The following CSMD1 variants were observed in gnomAD, a reference collection of about 807,000 sequenced individuals.
The protein encoded by CSMD1 is CUB and sushi domain-containing protein 1.
In CSMD1, 213 loss-of-function variants were observed where a neutral mutation model predicts 417.5. That is an observed-to-expected ratio of 0.51 (90% confidence interval 0.46 to 0.57). The LOEUF is 0.57. CSMD1 is among the 20% of genes least tolerant of loss of function. The pLI is 0.00. For synonymous variants in CSMD1, 2,862 were observed against 1,736.8 expected (o/e 1.65, Z -16.11); for missense variants, 6,923 against 4,529.7 (o/e 1.53, Z -15.17).
intron 5 of CSMD1, among the ~76,000 whole-genome samples, chr8:3,980,729 C>G (rs548065320): frequency 2.5e-4 from 38 of 152,202 alleles, no homozygotes; most frequent in African/African-American, 8.7e-4. Flanking sequence ...GTAAGAAGCC[C>G]CCACCCTTCT....
intron 3 of CSMD1, among the ~76,000 whole-genome samples, chr8:4,242,763 G>A (rs1020997779): frequency 1.3e-5 from 2 of 152,174 alleles, no homozygotes; most frequent in Admixed American, 1.3e-4. Context: ...AACATCCCTG[G>A]ATGGAAAGAT....
intron 3 of CSMD1, among the ~76,000 whole-genome samples, chr8:4,289,832 G>C (rs949913919): frequency 1.2e-4 from 19 of 152,188 alleles, no homozygotes; most frequent in Admixed American, 1.0e-3. Context: ...CTAATCTAAT[G>C]TCTGGCTCAG....
At chr8:4,641,212 A>T (rs2130868044) in intron 1 of CSMD1, among the ~76,000 whole-genome samples, 1 of 152,098 alleles carries the variant, frequency 6.6e-6, no homozygotes, top group South Asian at 2.1e-4. Flanking sequence ...GCTATAATTC[A>T]AACAAACTTC....
intron 1 of CSMD1, among the ~76,000 whole-genome samples, chr8:4,791,990 T>C (rs1797717760): frequency 2.0e-5 from 3 of 152,142 alleles, no homozygotes; most frequent in African/African-American, 7.2e-5. Context: ...TCCTTTATAG[T>C]GTGTGTCTCA....
intron 41 of CSMD1, among the ~76,000 whole-genome samples, chr8:3,125,653 A>G (rs755402394): frequency 1.3e-5 from 2 of 152,210 alleles, no homozygotes; most frequent in East Asian, 1.9e-4. Context: ...TATTAGTTCT[A>G]TAAGAGTTGT....
At chr8:4,024,443 T>A (rs959443414) in intron 4 of CSMD1, among the ~76,000 whole-genome samples, 2 of 152,200 alleles carry the variant, frequency 1.3e-5, no homozygotes, top group Non-Finnish European at 2.9e-5. Context: ...CATGTTCATA[T>A]GTTACTGATC....
At chr8:3,903,892 C>T (rs1005090686) in intron 5 of CSMD1, among the ~76,000 whole-genome samples, 1 of 152,026 alleles carries the variant, frequency 6.6e-6, no homozygotes, top group African/African-American at 2.4e-5. Context: ...TTTTTTACCT[C>T]CACAGGACAC....
At chr8:3,584,537 GA>G (rs1339205087) in intron 9 of CSMD1, among the ~76,000 whole-genome samples, 1 of 71,766 alleles carries the variant, frequency 1.4e-5, no homozygotes, top group African/African-American at 3.1e-5. Flanking sequence ...AAGCACCTCT[GA>G]GTGTGTGATA....
At chr8:4,992,367 C>T (rs1234764136) in intron 1 of CSMD1, among the ~76,000 whole-genome samples, 2 of 152,182 alleles carry the variant, frequency 1.3e-5, no homozygotes, top group Non-Finnish European at 2.9e-5. Context: ...CTGCTAATTG[C>T]GGGGGAAGGC....
intron 2 of CSMD1, among the ~76,000 whole-genome samples, chr8:4,446,362 A>G (rs1798788595): frequency 6.6e-6 from 1 of 152,140 alleles, no homozygotes; most frequent in Non-Finnish European, 1.5e-5. Flanking sequence ...AGCCTGGGCA[A>G]CATGGCAGAA....
intron 17 of CSMD1, among the ~76,000 whole-genome samples, chr8:3,395,307 T>C (rs923407209): frequency 6.6e-6 from 1 of 152,196 alleles, no homozygotes; most frequent in African/African-American, 2.4e-5. Context: ...TAATTGCCAC[T>C]TTTTCTCGCT....
At chr8:4,328,945 T>G (rs1799710693) in intron 3 of CSMD1, among the ~76,000 whole-genome samples, 2 of 152,228 alleles carry the variant, frequency 1.3e-5, no homozygotes, top group Non-Finnish European at 2.9e-5. Flanking sequence ...TGCAATGCAT[T>G]TGCAAGTTTA....
At chr8:4,300,211 T>C (rs994396193) in intron 3 of CSMD1, among the ~76,000 whole-genome samples, 3 of 152,196 alleles carry the variant, frequency 2.0e-5, no homozygotes, top group Admixed American at 6.5e-5. Flanking sequence ...AGGTGTGTAA[T>C]GTTCAGTTTT....
chr8:4,547,040 A>G (rs1447416098), intron 2 of CSMD1, among the ~76,000 whole-genome samples: 1 of 152,120 alleles, frequency 6.6e-6, no homozygotes, highest in East Asian at 1.9e-4. Flanking sequence ...TTGAGCTCCA[A>G]ATTCATACAT....
At chr8:4,026,039 T>A (rs1410210116) in intron 4 of CSMD1, among the ~76,000 whole-genome samples, 1 of 151,948 alleles carries the variant, frequency 6.6e-6, no homozygotes, top group Non-Finnish European at 1.5e-5. Flanking sequence ...TTCAACCAGT[T>A]CCTGCAAATA....
chr8:4,404,864 A>T (rs1228455265), intron 3 of CSMD1, among the ~76,000 whole-genome samples: 1 of 152,290 alleles, frequency 6.6e-6, no homozygotes, highest in Middle Eastern at 3.4e-3. Context: ...TACCAGCCAC[A>T]CTTCCATGCA....
At chr8:3,374,164 G>T (rs140273010) in intron 18 of CSMD1, among the ~76,000 whole-genome samples, 1 of 145,316 alleles carries the variant, frequency 6.9e-6, no homozygotes, top group Non-Finnish European at 1.5e-5. Context: ...TTGTTGTCCC[G>T]GCTAGTCTCG....
At chr8:4,611,977 C>T (rs913944465) in intron 2 of CSMD1, among the ~76,000 whole-genome samples, 2 of 151,952 alleles carry the variant, frequency 1.3e-5, no homozygotes, top group African/African-American at 4.8e-5. Context: ...TGTTTTTTTC[C>T]TCCTAAGTGC....
chr8:4,343,055 T>G (rs570515735), intron 3 of CSMD1, among the ~76,000 whole-genome samples: 1 of 152,188 alleles, frequency 6.6e-6, no homozygotes, highest in South Asian at 2.1e-4. Flanking sequence ...TTTCAACATT[T>G]TAAGTTGCCT....
Sources: gnomAD v4.1 joint callset for allele counts (sites outside exome capture counted in the v4.1 genomes callset) on GRCh38, gnomAD v4.1.1 for gene constraint, MANE v1.5 for transcripts, NCBI Gene and HGNC (gene_info 2026-07-23, HGNC 2026-07-21) for gene names.